Variants in KCNJ12 observed in about 807,000 individuals in gnomAD.
The protein encoded by KCNJ12 is ATP-sensitive inward rectifier potassium channel 12.
A neutral mutation model predicts 22.3 loss-of-function variants in KCNJ12; 2 were observed. The ratio of observed to expected loss-of-function variants is 0.09; its 90% CI spans 0.04 to 0.28. The LOEUF (loss-of-function observed/expected upper bound fraction) is 0.28, where lower values mean the gene tolerates loss of function less well. KCNJ12 is among the 10% of genes least tolerant of loss of function. The pLI is 1.00. For synonymous variants in KCNJ12, 117 were observed against 261.4 expected, an observed-to-expected ratio of 0.45 and a Z score of 5.33; for missense variants, 155 against 633.3, an observed-to-expected ratio of 0.24 and a Z score of 8.11.
At chr17:21,396,536 G>A (rs570599071) in intron 1 of KCNJ12, among the ~76,000 whole-genome samples, 3 of 152,192 alleles carry the variant, frequency 2.0e-5, no homozygotes, top group Non-Finnish European at 4.4e-5. Flanking sequence ...CCCCGTGCCT[G>A]GCCGGGGTTC....
At chr17:21,405,545 G>A (rs1371424257) in intron 1 of KCNJ12, among the ~76,000 whole-genome samples, 11 of 152,278 alleles carry the variant, frequency 7.2e-5, no homozygotes, top group Non-Finnish European at 1.5e-4. Flanking sequence ...TTCAGAGGAA[G>A]CTGAGCCTCA....
At chr17:21,402,861 G>A (rs1905705885) in intron 1 of KCNJ12, among the ~76,000 whole-genome samples, 1 of 152,308 alleles carries the variant, frequency 6.6e-6, no homozygotes, top group African/African-American at 2.4e-5. Flanking sequence ...CTGAGGGGTT[G>A]GTGGCTGGAT....
At chr17:21,403,088 T>A (rs1905723606) in intron 1 of KCNJ12, among the ~76,000 whole-genome samples, 1 of 152,426 alleles carries the variant, frequency 6.6e-6, no homozygotes, top group Admixed American at 6.5e-5. Context: ...AGCAAGGGAC[T>A]TGGGGAAATC....
chr17:21,401,189 G>T (rs1246665643), intron 1 of KCNJ12, among the ~76,000 whole-genome samples: 1 of 152,246 alleles, frequency 6.6e-6, no homozygotes, highest in Non-Finnish European at 1.5e-5. Flanking sequence ...TCCTTGGGCA[G>T]CCCTCCTGGG....
At chr17:21,377,191 C>G (rs1555557368) in intron 1 of KCNJ12, among the ~76,000 whole-genome samples, 1 of 152,170 alleles carries the variant, frequency 6.6e-6, no homozygotes, top group African/African-American at 2.4e-5. Flanking sequence ...CTGGGGGGCG[C>G]TCCGGGAAAC....
chr17:21,405,152 G>C (rs1394000958), intron 1 of KCNJ12: 1 of 152,708 alleles, frequency 6.5e-6, no homozygotes, highest in Non-Finnish European at 1.5e-5. Context: ...CCACAGGGAG[G>C]CTTGGGCACA....
chr17:21,396,451 CAT>C (rs1905366328), intron 1 of KCNJ12, among the ~76,000 whole-genome samples: 1 of 152,184 alleles, frequency 6.6e-6, no homozygotes, highest in African/African-American at 2.4e-5. Context: ...CAAGCCCTGG[CAT>C]GCCCATCCCA....
chr17:21,388,044 C>T (rs782345114), intron 1 of KCNJ12, among the ~76,000 whole-genome samples: 1 of 152,154 alleles, frequency 6.6e-6, no homozygotes, highest in South Asian at 2.1e-4. Context: ...CCGCTGTCAT[C>T]GTTCTGCTTG....
At chr17:21,389,512 G>A (rs962486636) in intron 1 of KCNJ12, among the ~76,000 whole-genome samples, 25 of 152,206 alleles carry the variant, frequency 1.6e-4, no homozygotes, top group Non-Finnish European at 3.4e-4. Context: ...TTGTGGTGGC[G>A]GCAGCTTCGC....
At chr17:21,390,236 G>A (rs1323162610) in intron 1 of KCNJ12, among the ~76,000 whole-genome samples, 3 of 152,112 alleles carry the variant, frequency 2.0e-5, no homozygotes, top group Non-Finnish European at 4.4e-5. Flanking sequence ...CAAGGCTATC[G>A]CTGTCTCAAG....
At chr17:21,395,278 C>T (rs1905313994) in intron 1 of KCNJ12, among the ~76,000 whole-genome samples, 1 of 125,976 alleles carries the variant, frequency 7.9e-6, no homozygotes. Context: ...CTAGGCGACA[C>T]AGCAAGATCC....
intron 1 of KCNJ12, among the ~76,000 whole-genome samples, chr17:21,399,272 CCT>C (rs1905493477): frequency 6.6e-6 from 1 of 152,224 alleles, no homozygotes; most frequent in Non-Finnish European, 1.5e-5. Flanking sequence ...CTCTGGATTC[CCT>C]CTCTGAGCTT....
At chr17:21,383,284 G>A (rs1044380386) in intron 1 of KCNJ12, among the ~76,000 whole-genome samples, 6 of 152,334 alleles carry the variant, frequency 3.9e-5, no homozygotes, top group Non-Finnish European at 2.9e-5. Flanking sequence ...AAAATAAATC[G>A]CTGCCAGCAG....
At chr17:21,413,118 C>G in intron 2 of KCNJ12, among the ~76,000 whole-genome samples, 1 of 134,130 alleles carries the variant, frequency 7.5e-6, no homozygotes, top group East Asian at 2.0e-4. Flanking sequence ...ACCTGTTGCT[C>G]AGGTGTTTGG....
chr17:21,376,558 G>A lies in KCNJ12; in HGVS notation c.-534G>A. On this transcript the variant is annotated 5_prime_UTR_variant, in exon 1 of 3. Transcript: ENST00000583088. This position sits in a 1 kb window ranked among gnomAD's most constrained non-coding sequence, Gnocchi z 5.3. ...AGCCTGCGAGGAGGTGCGGGGCGCC[G>A]GGGCGTAGGGGAGCGCGCCGGGCCC... 1 of 151,988 alleles carries A rather than the reference G, an allele frequency of 6.6e-6. No individual in the cohort carries two copies. The highest frequency in any genetic ancestry group is 1.5e-5 in the Non-Finnish European group (1 of 67,928). The allele number at this position is 151,988 out of a possible 1,614,324, so 9.4% of individuals were successfully genotyped here.
At chr17:21,380,764 G>A (rs1904836447) in intron 1 of KCNJ12, among the ~76,000 whole-genome samples, 1 of 152,150 alleles carries the variant, frequency 6.6e-6, no homozygotes, top group Admixed American at 6.5e-5. Context: ...GCCCAGGGCA[G>A]GGCAGCGAGT....
At chr17:21,413,040 C>A (rs1276193987) in intron 2 of KCNJ12, among the ~76,000 whole-genome samples, 1 of 145,580 alleles carries the variant, frequency 6.9e-6, no homozygotes, top group Non-Finnish European at 1.5e-5. Context: ...CCAGCGGGCT[C>A]GGGGCTAAGC....
intron 2 of KCNJ12, among the ~76,000 whole-genome samples, chr17:21,413,999 T>C (rs2142077883): frequency 6.6e-6 from 1 of 152,426 alleles, no homozygotes; most frequent in African/African-American, 2.4e-5. Flanking sequence ...GAGCAGCCCA[T>C]GTCTGGGTGC....
intron 2 of KCNJ12, among the ~76,000 whole-genome samples, chr17:21,410,866 T>C (rs1354104646): frequency 6.6e-6 from 1 of 152,304 alleles, no homozygotes; most frequent in African/African-American, 2.4e-5. Flanking sequence ...CACAGTGTGA[T>C]GGAAGGGATT....
Sources: gnomAD v4.1 joint callset for allele counts (sites outside exome capture counted in the v4.1 genomes callset) on GRCh38, gnomAD v4.1.1 for gene constraint, Gnocchi (gnomAD v3.1) non-coding constraint, MANE v1.5 for transcripts, NCBI Gene and HGNC (gene_info 2026-07-23, HGNC 2026-07-21) for gene names.